CNTN4: variants seen among roughly 807,000 people sequenced by gnomAD.
The protein encoded by CNTN4 is contactin 4.
A neutral mutation model predicts 122.5 loss-of-function variants in CNTN4; 77 were observed. That is an observed-to-expected ratio of 0.63 (90% confidence interval 0.52 to 0.76). The LOEUF is 0.76. CNTN4 is among the 30% of genes least tolerant of loss of function. The pLI is 0.00. For missense variants in CNTN4, 1,256 were observed against 1,259.1 expected (o/e 1.00, Z 0.04); for synonymous variants, 512 against 447.0 (o/e 1.15, Z -1.83).
intron 5 of CNTN4, among the ~76,000 whole-genome samples, chr3:2,739,794 G>T (rs558843765): frequency 5.9e-5 from 9 of 152,166 alleles, no homozygotes; most frequent in Non-Finnish European, 1.2e-4. Context: ...TACTGAATTG[G>T]ACAAAGAGTA....
At chr3:2,800,076 C>G (rs1020554954) in intron 6 of CNTN4, among the ~76,000 whole-genome samples, 1 of 80,942 alleles carries the variant, frequency 1.2e-5, no homozygotes, top group Non-Finnish European at 2.5e-5. Flanking sequence ...GTGATGCCAT[C>G]TACTTTTTTT....
At chr3:2,846,475 C>G (rs1243182096) in intron 7 of CNTN4, among the ~76,000 whole-genome samples, 1 of 152,170 alleles carries the variant, frequency 6.6e-6, no homozygotes, top group African/African-American at 2.4e-5. Context: ...AAACCTCTTT[C>G]CTTTATAAAT....
Position 2,807,476 on chromosome 3 carries a change from C to CT in CNTN4, c.359-11998dup, listed in dbSNP as rs201984402. 2.0e-3 allele frequency among the ~76,000 whole-genome samples: 296 copies of CT among 145,510 alleles called. 8 individuals are homozygous for CT. The East Asian group carries it at 0.029, about 14-fold the overall frequency. On this transcript the variant is annotated intron_variant, in intron 6 of 24. Coordinates refer to ENST00000418658, the MANE Select transcript of CNTN4 (RefSeq NM_175607.3). ...CTGGGAATTTCATTTATATACAGAA[C>CT]TTTTTTTTTTTTGCCCTTAAAAATT... is the stretch of plus-strand genomic sequence containing the variant.
chr3:2,560,714 G>C (rs1036313704), intron 3 of CNTN4, among the ~76,000 whole-genome samples: 14 of 152,232 alleles, frequency 9.2e-5, no homozygotes, highest in East Asian at 5.8e-4. Flanking sequence ...TGTTGCATTT[G>C]TGCACTGTTG....
chr3:2,212,777 A>T (rs2038678372), intron 2 of CNTN4, among the ~76,000 whole-genome samples: 1 of 152,230 alleles, frequency 6.6e-6, no homozygotes, highest in African/African-American at 2.4e-5. Context: ...GCAGTGACAT[A>T]TCCCTGCTCT....
rs143316873 is a variant in CNTN4, at chr3:2,359,027, T to A, written c.-89+19794T>A. 4.4e-3 allele frequency among the ~76,000 whole-genome samples: 663 copies of A among 152,338 alleles called. 3 individuals carry two copies. The highest frequency in any genetic ancestry group is 0.016 in the African/African-American group (646 of 41,574). ...GATTTATAAATATGTCATAGTTATA[T>A]CAAATATTTTAATCATTCTGAGCCT... On this transcript the variant is annotated intron_variant, in intron 3 of 24. Transcript: ENST00000418658.
Position 2,116,176 on chromosome 3 carries a change from C to T in CNTN4, c.-145+15537C>T, listed in dbSNP as rs375180991. ...AGAAACAAAGCATTGCAGGAGGCCTCATATCTAGTAAATGCACTTTCATAC... is the reference window on the plus strand; with the variant it reads ...AGAAACAAAGCATTGCAGGAGGCCTTATATCTAGTAAATGCACTTTCATAC... On this transcript the variant is annotated intron_variant, in intron 2 of 24. Transcript: ENST00000418658. Among the ~76,000 whole-genome samples, 36 of 152,272 alleles carry T rather than the reference C, an allele frequency of 2.4e-4. No homozygotes were observed. The South Asian group carries it at 7.3e-3, about 31-fold the overall frequency.
intron 3 of CNTN4, among the ~76,000 whole-genome samples, chr3:2,551,664 G>T (rs2149364815): frequency 6.6e-6 from 1 of 152,232 alleles, no homozygotes; most frequent in Admixed American, 6.5e-5. Flanking sequence ...GGCATGTGAA[G>T]ATTTTAAGTA....
At chr3:2,369,165 T>A (rs888405878) in intron 3 of CNTN4, among the ~76,000 whole-genome samples, 1 of 152,000 alleles carries the variant, frequency 6.6e-6, no homozygotes, top group Non-Finnish European at 1.5e-5. Flanking sequence ...CCTCGTGATC[T>A]GCTCACCTCA....
chr3:2,962,341 G>T (rs562081818), intron 13 of CNTN4, among the ~76,000 whole-genome samples: 1 of 152,314 alleles, frequency 6.6e-6, no homozygotes, highest in African/African-American at 2.4e-5. Flanking sequence ...AATATTCAAA[G>T]ACAGCAGCTC....
intron 3 of CNTN4, among the ~76,000 whole-genome samples, chr3:2,472,123 G>A (rs1312437614): frequency 6.8e-6 from 1 of 146,612 alleles, no homozygotes; most frequent in Non-Finnish European, 1.5e-5. Flanking sequence ...GCTGAGGCAG[G>A]AGAATTGCAA....
At chr3:2,357,295 G>T (rs1327773415) in intron 3 of CNTN4, among the ~76,000 whole-genome samples, 1 of 152,166 alleles carries the variant, frequency 6.6e-6, no homozygotes, top group African/African-American at 2.4e-5. Flanking sequence ...TGAACAAAAT[G>T]AACTTCAGTT....
At chr3:2,263,502 TATATA>T (rs1452610843) in intron 2 of CNTN4, among the ~76,000 whole-genome samples, 1 of 152,262 alleles carries the variant, frequency 6.6e-6, no homozygotes, top group African/African-American at 2.4e-5. Flanking sequence ...CTTAAATTGA[TATATA>T]ATAGTTTTAC....
intron 3 of CNTN4, among the ~76,000 whole-genome samples, chr3:2,554,233 G>C (rs2078628228): frequency 6.6e-6 from 1 of 152,022 alleles, no homozygotes; most frequent in African/African-American, 2.4e-5. Context: ...ATCCAAATAG[G>C]TATTTTAAGG....
At chr3:2,402,483 T>A (rs73804522) in intron 3 of CNTN4, among the ~76,000 whole-genome samples, 404 of 152,262 alleles carry the variant, frequency 2.7e-3, no homozygotes, top group African/African-American at 8.6e-3. Context: ...ACATACAATG[T>A]GTAATTATTA....
intron 14 of CNTN4, among the ~76,000 whole-genome samples, chr3:3,024,351 A>G (rs1698544097): frequency 6.9e-6 from 1 of 144,292 alleles, no homozygotes; most frequent in Non-Finnish European, 1.5e-5. Context: ...ATGTTTGCTT[A>G]GAGTAAGATT....
At chr3:2,822,038 G>A (rs1052126477) in intron 7 of CNTN4, among the ~76,000 whole-genome samples, 3 of 152,200 alleles carry the variant, frequency 2.0e-5, no homozygotes, top group Non-Finnish European at 4.4e-5. Context: ...TCCTGAATAC[G>A]AAGGAGAGGT....
At chr3:2,683,432 G>T (rs1043304102) in intron 4 of CNTN4, among the ~76,000 whole-genome samples, 1 of 148,284 alleles carries the variant, frequency 6.7e-6, no homozygotes, top group Non-Finnish European at 1.5e-5. Flanking sequence ...TTCAATGATA[G>T]AATTACATGC....
At chr3:2,671,847 G>A (rs1473244900) in intron 4 of CNTN4, among the ~76,000 whole-genome samples, 1 of 152,212 alleles carries the variant, frequency 6.6e-6, no homozygotes, top group Non-Finnish European at 1.5e-5. Context: ...GTCTGTTGGA[G>A]TTTGCCGGAG....
Sources: allele counts gnomAD v4.1 joint callset (sites outside exome capture counted in the v4.1 genomes callset), GRCh38; gene constraint gnomAD v4.1.1; transcripts MANE v1.5; gene names NCBI Gene and HGNC (gene_info 2026-07-23, HGNC 2026-07-21).